GRHL3: variants seen among roughly 807,000 people sequenced by gnomAD.
The protein encoded by GRHL3 is grainyhead like transcription factor 3.
A neutral mutation model predicts 70.3 loss-of-function variants in GRHL3; 20 were observed. The observed-to-expected ratio is 0.28, with a 90% CI of 0.20 to 0.41. The LOEUF (loss-of-function observed/expected upper bound fraction) is 0.41. GRHL3 is among the 10% of genes least tolerant of loss of function. The probability of loss-of-function intolerance (pLI) is 1.00; values close to 1 mark genes in which losing one functional copy is unlikely to be tolerated. For missense variants in GRHL3, 637 were observed against 762.3 expected, an observed-to-expected ratio of 0.84 and a Z score of 1.94; for synonymous variants, 299 against 299.9, an observed-to-expected ratio of 1.00 and a Z score of 0.03.
chr1:24,324,477 AG>A, intron 1 of GRHL3, among the ~76,000 whole-genome samples: 2 of 152,348 alleles, frequency 1.3e-5, no homozygotes, highest in African/African-American at 4.8e-5. Context: ...ACAAAGTATT[AG>A]TAATAATAAT....
chr1:24,319,800 T>C (rs1639110789), intron 1 of GRHL3: 2 of 1,345,120 alleles, frequency 1.5e-6, no homozygotes, highest in Non-Finnish European at 2.0e-6. Flanking sequence ...CTGAGCAGTT[T>C]CGAGCCAGGC....
chr1:24,364,034 T>A, intron 15 of GRHL3: 1 of 1,209,148 alleles, frequency 8.3e-7, no homozygotes, highest in Non-Finnish European at 1.1e-6. Flanking sequence ...TAATCTCCCA[T>A]GTCCTGCTGC....
intron 1 of GRHL3, chr1:24,319,963 G>A (rs1351825434): frequency 3.5e-6 from 1 of 288,594 alleles, no homozygotes; most frequent in Non-Finnish European, 6.8e-6. Flanking sequence ...AGCTGTCTTA[G>A]GCAGAGAGTT....
chr1:24,325,904 G>A (rs752466444), intron 1 of GRHL3, among the ~76,000 whole-genome samples: 2 of 152,194 alleles, frequency 1.3e-5, no homozygotes, highest in African/African-American at 2.4e-5. Flanking sequence ...CTGAGGAGGC[G>A]GCTCTGTGAA....
intron 15 of GRHL3, among the ~76,000 whole-genome samples, chr1:24,362,958 C>T (rs1182326936): frequency 6.6e-6 from 1 of 152,216 alleles, no homozygotes. Flanking sequence ...CTGGCTTCTC[C>T]TTGTTCTGGC....
At chr1:24,331,656 G>A (rs756730153) in intron 2 of GRHL3, 44 bp downstream of exon 2, 3 of 1,551,278 alleles carry the variant, frequency 1.9e-6, no homozygotes, top group Non-Finnish European at 2.6e-6. Flanking sequence ...GACTGAATGG[G>A]TGTCTTCACT....
At chr1:24,356,593 A>G (rs1404822131), downstream of GRHL3, among the ~76,000 whole-genome samples, 1 of 152,024 alleles carries the variant, frequency 6.6e-6, no homozygotes, top group Non-Finnish European at 1.5e-5. Context: ...CCTTTGGGAG[A>G]GCAGACTTAC....
Position 24,347,493 on chromosome 1 carries a change from T to C in GRHL3, c.1569T>C (p.Thr523=), listed in dbSNP as rs1640336925. 6.2e-7 allele frequency: 1 copy of C among 1,614,180 alleles called. No homozygotes were observed. Among genetic ancestry groups the C allele is most frequent in the Non-Finnish European group, 8.5e-7 (1 of 1,179,992 alleles). ...QRVLLYVRRE[T]EEVFDALMLK... is the part of the protein sequence containing the mutation. The stretch of plus-strand genomic sequence containing the variant: ...TTCTGCTGTATGTGCGGAGGGAGAC[T>C]GAGGAGGTGTTTGACGCGCTCATGT... Residue 523 remains threonine (T), a synonymous_variant, in exon 14 of 16, where the codon ACT becomes ACC. Transcript: ENST00000361548.
downstream of GRHL3, chr1:24,357,439 C>A (rs1157441331): frequency 1.3e-5 from 2 of 152,660 alleles, no homozygotes; most frequent in East Asian, 3.8e-4. Flanking sequence ...CTGGGTGGCT[C>A]CTGCCTCCCC....
At chr1:24,349,738 G>A (rs1640430276) in intron 14 of GRHL3, among the ~76,000 whole-genome samples, 1 of 152,180 alleles carries the variant, frequency 6.6e-6, no homozygotes, top group Non-Finnish European at 1.5e-5. Flanking sequence ...TGCTTGACAA[G>A]TGTTTGTTGT....
Position 24,342,307 on chromosome 1 carries a change from C to T in GRHL3, c.1206+34C>T, listed in dbSNP as rs190166507. 4.7e-5 allele frequency: 73 copies of T among 1,549,572 alleles called. No individual in the cohort carries two copies. In the Middle Eastern group the frequency reaches 5.2e-4, roughly 11 times the overall value. ...ACTGGGCAGACCCTATACTGGGTCC[C>T]GGGGAGGTAGAAGGGCCAAACCCTG... On this transcript the variant is annotated intron_variant, in intron 9 of 15. Transcript: ENST00000361548. The surrounding 1 kb of genome is among the most constrained non-coding windows in gnomAD (Gnocchi z 4.8).
At chr1:24,336,415 A>G in intron 3 of GRHL3, 67 bp from the exon 4 acceptor site, 1 of 1,040,836 alleles carries the variant, frequency 9.6e-7, no homozygotes, top group East Asian at 2.4e-5. Flanking sequence ...GTTGCCTTGC[A>G]CTCTAGCCAA....
At chr1:24,356,217 A>T (rs114114987), downstream of GRHL3, among the ~76,000 whole-genome samples, 5,576 of 143,058 alleles carry the variant, frequency 0.039, 261 homozygotes, top group African/African-American at 0.12. Flanking sequence ...TCTCTTTTAG[A>T]TCAGTTCCTC....
chr1:24,338,243 A>G (rs1639903645), intron 7 of GRHL3, 140 bp downstream of exon 7: 1 of 586,376 alleles, frequency 1.7e-6, no homozygotes, highest in Admixed American at 3.4e-5. Context: ...GGGGTTTGCA[A>G]GGATTTGCAT....
rs1013406194 is a variant in GRHL3, at chr1:24,322,529, G to T, written c.17+2961G>T. On this transcript the variant is annotated intron_variant, in intron 1 of 15. Coordinates refer to ENST00000361548, the MANE Select transcript of GRHL3 (RefSeq NM_198173.3). The surrounding 1 kb of genome is among the most constrained non-coding windows in gnomAD (Gnocchi z 4.4). ...GAATGAAAAGTTAAAAGCCCTCTTT[G>T]AGTTCGGGCTGTAAAACTGGCGGAC... Among the ~76,000 whole-genome samples, 3 of 152,252 alleles carry T rather than the reference G, an allele frequency of 2.0e-5. No homozygotes were observed. The highest frequency in any genetic ancestry group is 1.3e-4 in the Admixed American group (2 of 15,286).
At chr1:24,357,173 C>T (rs1301829072), downstream of GRHL3, 2 of 152,130 alleles carry the variant, frequency 1.3e-5, no homozygotes, top group Non-Finnish European at 2.9e-5. Context: ...TGGGAGGGAC[C>T]CAGTGGGGCA....
intron 7 of GRHL3, among the ~76,000 whole-genome samples, chr1:24,338,693 C>G (rs929922665): frequency 6.6e-6 from 1 of 152,110 alleles, no homozygotes; most frequent in African/African-American, 2.4e-5. Context: ...AGCTTAGCAG[C>G]TATGTGCCCT....
rs776009811 is a variant in GRHL3, at chr1:24,337,988, G to A, written c.841-4G>A. The A allele has an allele frequency of 6.3e-7, 1 of 1,596,486 alleles. No individual in the cohort carries two copies. Among genetic ancestry groups the A allele is most frequent in the Admixed American group, 1.7e-5 (1 of 58,166 alleles). On this transcript the variant is annotated splice_polypyrimidine_tract_variant and splice_region_variant and intron_variant, in intron 6 of 15. Transcript: ENST00000361548. The stretch of plus-strand genomic sequence containing the variant: ...GGAGTGACTGTGACCAACTGTGCTT[G>A]CAGAGTGTGGTGATGGTTGTCTTCG...
intron 11 of GRHL3, among the ~76,000 whole-genome samples, chr1:24,344,358 G>T (rs565893779): frequency 9.0e-4 from 137 of 152,152 alleles, no homozygotes; most frequent in African/African-American, 3.1e-3. Flanking sequence ...AGGCTTAGTG[G>T]CACACACCTG....
Sources: allele counts gnomAD v4.1 joint callset (sites outside exome capture counted in the v4.1 genomes callset), GRCh38; gene constraint gnomAD v4.1.1; non-coding constraint Gnocchi (gnomAD v3.1); transcripts MANE v1.5; gene names NCBI Gene and HGNC (gene_info 2026-07-23, HGNC 2026-07-21).